Variants in FBXO8 observed in about 807,000 individuals in gnomAD.
FBXO8 encodes the protein F-box protein 8.
A neutral mutation model predicts 33.4 loss-of-function variants in FBXO8; 15 were observed. The observed-to-expected ratio is 0.45, with a 90% confidence interval of 0.30 to 0.69. The LOEUF (loss-of-function observed/expected upper bound fraction) is 0.69, where lower values mean the gene tolerates loss of function less well. Among genes scored for constraint, FBXO8 ranks in the 30% least tolerant of loss-of-function variants. FBXO8 has a pLI of 0.08. For missense variants in FBXO8, 274 were observed against 380.3 expected (o/e 0.72, Z 2.32); for synonymous variants, 132 against 131.5 (o/e 1.00, Z -0.02).
At position 174,237,727 on chromosome 4, in the gene FBXO8, A is replaced by C. The variant is rs1262408945; in HGVS notation, c.773-128T>G. On this transcript the variant is annotated intron_variant, in intron 5 of 5. Transcript: ENST00000393674. This position sits in a 1 kb window ranked among gnomAD's most constrained non-coding sequence, Gnocchi z 4.4. ...ATTAGCTCATAAATACAGAGTGACCAATCCATCCCAGTTTGTCTAGACTCT... is the reference window on the plus strand; with the variant it reads ...ATTAGCTCATAAATACAGAGTGACCCATCCATCCCAGTTTGTCTAGACTCT... The C allele has an allele frequency of 4.1e-6, 3 of 732,880 alleles. No individual in the cohort carries two copies. In the African/African-American group the frequency reaches 5.3e-5, roughly 13 times the overall value. 45.4% of individuals were successfully genotyped at this position (732,880 alleles called of 1,614,324 possible).
chr4:174,241,196 TTGG>T lies in FBXO8; in HGVS notation c.476_478del (p.Ser159_Lys160delinsTer). 6.2e-7 allele frequency: 1 copy of T among 1,608,374 alleles called. No homozygotes were observed. Among genetic ancestry groups the T allele is most frequent in the Admixed American group, 1.7e-5 (1 of 59,666 alleles). ...CTTTGGCGAATCATCCAGGATACCCTTGGACATAAAGTAGTTCACTCCCTAAGG... is the reference window on the plus strand; with the variant it reads ...CTTTGGCGAATCATCCAGGATACCCTACATAAAGTAGTTCACTCCCTAAGG... On this transcript the variant is annotated stop_gained and inframe_deletion, in exon 4 of 6. Coordinates refer to ENST00000393674, the MANE Select transcript of FBXO8 (RefSeq NM_012180.3). LOFTEE classifies it high-confidence loss of function. This position sits in a 1 kb window ranked among gnomAD's most constrained non-coding sequence, Gnocchi z 4.2.
At chr4:174,280,849 A>G (rs771834010) in intron 1 of FBXO8, among the ~76,000 whole-genome samples, 3 of 152,204 alleles carry the variant, frequency 2.0e-5, no homozygotes, top group Non-Finnish European at 2.9e-5. Flanking sequence ...AAAAGGTAGA[A>G]TGGTGATTGC....
At chr4:174,238,889 T>G (rs1735958293) in intron 5 of FBXO8, 105 bp downstream of exon 5, 1 of 687,196 alleles carries the variant, frequency 1.5e-6, no homozygotes, top group African/African-American at 1.9e-5. Flanking sequence ...GTATTTGTAA[T>G]TACTGAGAAT....
intron 1 of FBXO8, among the ~76,000 whole-genome samples, chr4:174,276,222 A>G (rs2126450105): frequency 6.6e-6 from 1 of 152,264 alleles, no homozygotes; most frequent in Admixed American, 6.5e-5. Flanking sequence ...ATATTGACCA[A>G]ATATTTATTT....
rs1735963564 is a variant in FBXO8 at position 174,238,980 on chromosome 4, A to G, written c.772+14T>C. 6 of 1,465,988 alleles carry G rather than the reference A, an allele frequency of 4.1e-6. No homozygotes were observed. In the African/African-American group the frequency reaches 8.6e-5, roughly 21 times the overall value. The allele number at this position is 1,465,988 out of a possible 1,614,324, so 90.8% of individuals were successfully genotyped here. A position where few individuals can be genotyped will look rare whatever the true frequency, so the allele number is the denominator to read the frequency against. On this transcript the variant is annotated intron_variant, in intron 5 of 5. Coordinates refer to ENST00000393674, the MANE Select transcript of FBXO8 (RefSeq NM_012180.3). ...GGGCAGGGGGTGATGTACTATTAAT[A>G]TATATATTCTTACCAGGACTAAGGC...
chr4:174,277,950 A>G lies in FBXO8; in HGVS notation c.-9+5460T>C, dbSNP rs1736993131. ...ATCATGTGATATTATTCAATAGCATAAGAACATGGGAGAGTCTATGAGAAA... is the reference window on the plus strand; with the variant it reads ...ATCATGTGATATTATTCAATAGCATGAGAACATGGGAGAGTCTATGAGAAA... On this transcript the variant is annotated intron_variant, in intron 1 of 5. Coordinates refer to ENST00000393674, the MANE Select transcript of FBXO8 (RefSeq NM_012180.3). This position sits in a 1 kb window ranked among gnomAD's most constrained non-coding sequence, Gnocchi z 4.9. Among the ~76,000 whole-genome samples, 1 of 152,140 alleles carries G rather than the reference A, an allele frequency of 6.6e-6. No homozygotes were observed. Among genetic ancestry groups the G allele is most frequent in the South Asian group, 2.1e-4 (1 of 4,834 alleles).
Position 174,252,858 on chromosome 4 carries a change from C to T in FBXO8, c.456+6841G>A, listed in dbSNP as rs1320151373. On this transcript the variant is annotated intron_variant, in intron 3 of 5. Coordinates refer to ENST00000393674, the MANE Select transcript of FBXO8 (RefSeq NM_012180.3). The surrounding 1 kb of genome is among the most constrained non-coding windows in gnomAD (Gnocchi z 5.1). ...TGGTGGCATGCACCTGTAATCCCAG[C>T]TACTCCAGAGGCTGAGGCACAAGAA... Among the ~76,000 whole-genome samples, 1 of 152,080 alleles carries T rather than the reference C, an allele frequency of 6.6e-6. No individual in the cohort carries two copies. Among genetic ancestry groups the T allele is most frequent in the Non-Finnish European group, 1.5e-5 (1 of 68,014 alleles).
chr4:174,279,111 C>T (rs1351292845), intron 1 of FBXO8, among the ~76,000 whole-genome samples: 3 of 151,996 alleles, frequency 2.0e-5, no homozygotes, highest in African/African-American at 4.8e-5. Flanking sequence ...GCAGTAAAAT[C>T]CTTTGTAGTT....
chr4:174,267,896 AC>A lies in FBXO8; in HGVS notation c.-8-4797del, dbSNP rs1736728671. ...GTTTCAAATTCAAAAAAAATTCAAC[AC>A]AAAATAAGTTTTTGTATTTGAAATC... On this transcript the variant is annotated intron_variant, in intron 1 of 5. Transcript: ENST00000393674. This position sits in a 1 kb window ranked among gnomAD's most constrained non-coding sequence, Gnocchi z 4.7. Among the ~76,000 whole-genome samples the A allele has an allele frequency of 6.6e-6, 1 of 152,236 alleles. No individual in the cohort carries two copies. The highest frequency in any genetic ancestry group is 1.5e-5 in the Non-Finnish European group (1 of 68,044).
rs1736611019 is a variant in FBXO8, at chr4:174,263,081, C to T, written c.12G>A (p.Gly4=). 1 of 1,611,392 alleles carries T rather than the reference C, an allele frequency of 6.2e-7. No homozygotes were observed. Among genetic ancestry groups the T allele is most frequent in the Admixed American group, 1.7e-5 (1 of 59,862 alleles). The change falls in exon 2 of 6, where the codon GGG becomes GGA. Residue 4 remains glycine (G), a synonymous_variant. Transcript: ENST00000393674. This position sits in a 1 kb window ranked among gnomAD's most constrained non-coding sequence, Gnocchi z 4.2. MGQ[G]LWRVVRNQQL... The stretch of plus-strand genomic sequence containing the variant: ...GCTGGTTTCTGACCACTCTCCACAA[C>T]CCTTGACCCATCTGCAAGCCTGGGA...
rs963759995 is a variant in FBXO8 at position 174,263,262 on chromosome 4, T to C, written c.-8-162A>G. Among the ~76,000 whole-genome samples, 3 of 152,176 alleles carry C rather than the reference T, an allele frequency of 2.0e-5. No individual in the cohort carries two copies. Among genetic ancestry groups the C allele is most frequent in the Admixed American group, 1.3e-4 (2 of 15,268 alleles). On this transcript the variant is annotated intron_variant, in intron 1 of 5. Coordinates refer to ENST00000393674, the MANE Select transcript of FBXO8 (RefSeq NM_012180.3). The surrounding 1 kb of genome is among the most constrained non-coding windows in gnomAD (Gnocchi z 4.2). Reference sequence around the variant, plus strand: ...ATATTACTAAGAATAGCTGGAAAATTATAAGTGCAAATTTTGATAGACAAA... The same window carrying C: ...ATATTACTAAGAATAGCTGGAAAATCATAAGTGCAAATTTTGATAGACAAA...
At chr4:174,260,495 T>G (rs1380687516) in intron 2 of FBXO8, among the ~76,000 whole-genome samples, 1 of 152,018 alleles carries the variant, frequency 6.6e-6, no homozygotes, top group Non-Finnish European at 1.5e-5. Context: ...TTGAATACAT[T>G]CATCAAGCTG....
chr4:174,263,082 C>A lies in FBXO8; in HGVS notation c.11G>T (p.Gly4Val). The change falls in exon 2 of 6, where the codon GGG (glycine) becomes GTG (valine). Residue 4 changes from glycine (G) to valine (V), a missense_variant. By Grantham distance (109) the Gly-to-Val change is moderately radical (BLOSUM62 -3). Around this residue, in one of 2 missense-constraint regions of FBXO8, gnomAD observed 88 missense variants for 86.9 expected, o/e 1.01. Coordinates refer to ENST00000393674, the MANE Select transcript of FBXO8 (RefSeq NM_012180.3). This position sits in a 1 kb window ranked among gnomAD's most constrained non-coding sequence, Gnocchi z 4.2. Reference protein sequence around the residue: MGQGLWRVVRNQQL... With the variant: MGQVLWRVVRNQQL... ...CTGGTTTCTGACCACTCTCCACAAC[C>A]CTTGACCCATCTGCAAGCCTGGGAA... The A allele has an allele frequency of 6.2e-7, 1 of 1,611,368 alleles. No individual in the cohort carries two copies.
At chr4:174,246,621 C>A (rs1736164736) in intron 3 of FBXO8, among the ~76,000 whole-genome samples, 2 of 151,530 alleles carry the variant, frequency 1.3e-5, no homozygotes, top group South Asian at 4.1e-4. Context: ...TTATGACCTA[C>A]TCATGTTAGA....
intron 1 of FBXO8, among the ~76,000 whole-genome samples, chr4:174,269,897 A>G (rs1424818382): frequency 2.0e-5 from 3 of 152,230 alleles, no homozygotes; most frequent in Non-Finnish European, 4.4e-5. Flanking sequence ...TTATGCAAAT[A>G]TAACTATCAA....
At position 174,265,820 on chromosome 4, in the gene FBXO8, A is replaced by G. The variant is rs1736683984; in HGVS notation, c.-8-2720T>C. Among the ~76,000 whole-genome samples the G allele has an allele frequency of 6.6e-6, 1 of 152,230 alleles. No homozygotes were observed. Among genetic ancestry groups the G allele is most frequent in the South Asian group, 2.1e-4 (1 of 4,834 alleles). On this transcript the variant is annotated intron_variant, in intron 1 of 5. Transcript: ENST00000393674. The surrounding 1 kb of genome is among the most constrained non-coding windows in gnomAD (Gnocchi z 4.7). ...ATTGAACATTTTAAGTCTACTAATC[A>G]TAAAGAAAAGTATTTTATTTTCACC...
rs767098572 is a variant in FBXO8, at chr4:174,252,104, G to A, written c.456+7595C>T. Among the ~76,000 whole-genome samples the A allele has an allele frequency of 4.6e-5, 7 of 151,990 alleles. No homozygotes were observed. The highest frequency in any genetic ancestry group is 8.8e-5 in the Non-Finnish European group (6 of 68,010). On this transcript the variant is annotated intron_variant, in intron 3 of 5. Coordinates refer to ENST00000393674, the MANE Select transcript of FBXO8 (RefSeq NM_012180.3). This position sits in a 1 kb window ranked among gnomAD's most constrained non-coding sequence, Gnocchi z 5.1. ...CCACCTCAGCCCCCTAAGTAGCTGC[G>A]ACTCCAGACACATGCTATCATACCC...
At position 174,277,819 on chromosome 4, in the gene FBXO8, C is replaced by T. The variant is rs531367472; in HGVS notation, c.-9+5591G>A. On this transcript the variant is annotated intron_variant, in intron 1 of 5. Transcript: ENST00000393674. The surrounding 1 kb of genome is among the most constrained non-coding windows in gnomAD (Gnocchi z 4.9). Reference sequence around the variant, plus strand: ...GTTATCTCTAAAATACAAATTCTAACGATAAGGAAATCCACTTATATGTTT... The same window carrying T: ...GTTATCTCTAAAATACAAATTCTAATGATAAGGAAATCCACTTATATGTTT... Among the ~76,000 whole-genome samples the T allele has an allele frequency of 4.6e-5, 7 of 152,192 alleles. No individual in the cohort carries two copies. The highest frequency in any genetic ancestry group is 1.9e-4 in the East Asian group (1 of 5,182).
At position 174,252,393 on chromosome 4, in the gene FBXO8, G is replaced by C. The variant is rs753719656; in HGVS notation, c.456+7306C>G. Reference sequence around the variant, plus strand: ...TTGGTTATAAACAACAGGAGACCTAGTTCAAAATAAAGGGATACATTTACT... The same window carrying C: ...TTGGTTATAAACAACAGGAGACCTACTTCAAAATAAAGGGATACATTTACT... On this transcript the variant is annotated intron_variant, in intron 3 of 5. Coordinates refer to ENST00000393674, the MANE Select transcript of FBXO8 (RefSeq NM_012180.3). The surrounding 1 kb of genome is among the most constrained non-coding windows in gnomAD (Gnocchi z 5.1). 1.3e-5 allele frequency among the ~76,000 whole-genome samples: 2 copies of C among 152,142 alleles called. No homozygotes were observed. The highest frequency in any genetic ancestry group is 2.9e-5 in the Non-Finnish European group (2 of 68,024).
Sources: gnomAD v4.1 joint callset for allele counts (sites outside exome capture counted in the v4.1 genomes callset) on GRCh38, gnomAD v4.1.1 for gene constraint, gnomAD v4.1.1 regional missense constraint, Gnocchi (gnomAD v3.1) non-coding constraint, MANE v1.5 for transcripts, NCBI Gene and HGNC (gene_info 2026-07-23, HGNC 2026-07-21) for gene names.